KATNIP: variants seen among roughly 807,000 people sequenced by gnomAD.
KATNIP encodes the protein katanin-interacting protein.
Under a neutral mutation model 174.0 loss-of-function variants are expected in KATNIP, and 126 were observed. The observed-to-expected ratio is 0.72, with a 90% CI of 0.63 to 0.84. The LOEUF (loss-of-function observed/expected upper bound fraction) is 0.84. Among genes scored for constraint, KATNIP ranks in the 40% least tolerant of loss-of-function variants. The pLI is 0.00. For synonymous variants in KATNIP, 810 were observed against 835.7 expected, an observed-to-expected ratio of 0.97 and a Z score of 0.53; for missense variants, 1,958 against 2,109.7, an observed-to-expected ratio of 0.93 and a Z score of 1.41.
chr16:27,694,755 C>T (rs1026290755), intron 8 of KATNIP, among the ~76,000 whole-genome samples: 2 of 151,992 alleles, frequency 1.3e-5, no homozygotes, highest in Non-Finnish European at 2.9e-5. Flanking sequence ...GAGATTGTGC[C>T]ACTGCACTCC....
chr16:27,667,940 G>A (rs2077743523), intron 6 of KATNIP, among the ~76,000 whole-genome samples: 1 of 152,168 alleles, frequency 6.6e-6, no homozygotes, highest in African/African-American at 2.4e-5. Flanking sequence ...GGTAAACTGA[G>A]TGAGGCCCAG....
chr16:27,581,160 G>C (rs2090684757), intron 2 of KATNIP, among the ~76,000 whole-genome samples: 1 of 152,106 alleles, frequency 6.6e-6, no homozygotes, highest in Admixed American at 6.6e-5. Flanking sequence ...TTCAGGTCAG[G>C]TTTTGGTCCT....
intron 13 of KATNIP, among the ~76,000 whole-genome samples, chr16:27,712,544 G>A (rs541906751): frequency 4.6e-5 from 7 of 152,314 alleles, no homozygotes; most frequent in East Asian, 3.9e-4. Context: ...ACCTAGAAGC[G>A]GAGGCTGGGT....
At chr16:27,761,658 A>G (rs2081960217) in intron 19 of KATNIP, 68 bp downstream of exon 19, 1 of 1,363,562 alleles carries the variant, frequency 7.3e-7, no homozygotes, top group Non-Finnish European at 1.0e-6. Context: ...TGCCTCTGAG[A>G]CTTCAGATTC....
intron 13 of KATNIP, among the ~76,000 whole-genome samples, chr16:27,719,569 C>T (rs984499887): frequency 5.9e-5 from 9 of 151,808 alleles, no homozygotes; most frequent in East Asian, 1.9e-4. Context: ...TTAGTAGAGA[C>T]GGGGTTTCAC....
intron 20 of KATNIP, among the ~76,000 whole-genome samples, chr16:27,767,366 A>C (rs1453277253): frequency 6.6e-6 from 1 of 152,166 alleles, no homozygotes; most frequent in Non-Finnish European, 1.5e-5. Context: ...GCCTCAGGTG[A>C]TCCCCAGATC....
intron 2 of KATNIP, among the ~76,000 whole-genome samples, chr16:27,605,894 C>T (rs1349123592): frequency 6.6e-6 from 1 of 152,084 alleles, no homozygotes; most frequent in Non-Finnish European, 1.5e-5. Context: ...CTTTGGGAGG[C>T]CAAGGAGGGT....
chr16:27,614,005 C>T (rs2075971647), intron 2 of KATNIP, among the ~76,000 whole-genome samples: 1 of 152,266 alleles, frequency 6.6e-6, no homozygotes, highest in Middle Eastern at 3.4e-3. Context: ...TAACCTTGAA[C>T]TCCTGGACTC....
chr16:27,564,280 AC>A, intron 1 of KATNIP, among the ~76,000 whole-genome samples: 1 of 152,286 alleles, frequency 6.6e-6, no homozygotes. Context: ...TAGTGCCTTA[AC>A]CCTGACAATA....
At chr16:27,720,628 AAG>A (rs1002106228) in intron 13 of KATNIP, among the ~76,000 whole-genome samples, 2 of 151,860 alleles carry the variant, frequency 1.3e-5, no homozygotes, top group Non-Finnish European at 1.5e-5. Flanking sequence ...TGGACGTGAA[AAG>A]AGATGATCGT....
At chr16:27,551,976 G>A (rs1443025101) in intron 1 of KATNIP, among the ~76,000 whole-genome samples, 1 of 152,026 alleles carries the variant, frequency 6.6e-6, no homozygotes, top group Non-Finnish European at 1.5e-5. Flanking sequence ...GCTGAAGTGG[G>A]TGGATTGCTT....
At chr16:27,770,342 T>G (rs2144178500) in intron 21 of KATNIP, among the ~76,000 whole-genome samples, 1 of 152,352 alleles carries the variant, frequency 6.6e-6, no homozygotes, top group South Asian at 2.1e-4. Context: ...AGGGCCTTCC[T>G]TCTCCCGTTT....
Position 27,775,015 on chromosome 16 carries a change from G to A in KATNIP, c.4380G>A (p.Lys1460=), listed in dbSNP as rs746243030. The A allele has an allele frequency of 6.8e-6, 11 of 1,613,606 alleles. No individual in the cohort carries two copies. Among genetic ancestry groups the A allele is most frequent in the African/African-American group, 2.7e-5 (2 of 74,938 alleles). The change falls in exon 24 of 28, where the codon AAG becomes AAA. Residue 1460 remains lysine, a synonymous_variant. Transcript: ENST00000261588. ...GCGGGGACGTCCGCACCCCAGACAA[G>A]CTCATCGACCAAGTGAACGACACCA... is the stretch of plus-strand genomic sequence containing the variant. ...GVGGDVRTPD[K]LIDQVNDTSD...
At chr16:27,647,136 G>C (rs1243140674) in intron 5 of KATNIP, among the ~76,000 whole-genome samples, 1 of 152,152 alleles carries the variant, frequency 6.6e-6, no homozygotes, top group African/African-American at 2.4e-5. Flanking sequence ...GGACATTGGA[G>C]GGGAGTCTGT....
At chr16:27,676,412 A>T (rs1017052792) in intron 6 of KATNIP, among the ~76,000 whole-genome samples, 4 of 152,206 alleles carry the variant, frequency 2.6e-5, no homozygotes, top group Admixed American at 2.0e-4. Context: ...CTAAGATGGT[A>T]AAAGTGTTCT....
At chr16:27,692,978 G>T (rs1338045084) in intron 8 of KATNIP, among the ~76,000 whole-genome samples, 4 of 152,136 alleles carry the variant, frequency 2.6e-5, no homozygotes, top group African/African-American at 4.8e-5. Flanking sequence ...TTTGGCTTCA[G>T]CTCCAGTATA....
Position 27,628,825 on chromosome 16 carries a change from C to T in KATNIP, c.305C>T (p.Thr102Ile). 6.2e-7 allele frequency: 1 copy of T among 1,614,016 alleles called. No individual in the cohort carries two copies. The change falls in exon 4 of 28, where the codon ACA (threonine) becomes ATA (isoleucine). Residue 102 changes from threonine to isoleucine, a missense_variant. This residue lies in a region of KATNIP where 1,557 missense variants were observed against 1,617.8 expected (regional missense o/e 0.96). Transcript: ENST00000261588. The stretch of plus-strand genomic sequence containing the variant: ...AGAAGTGCCTCCCACACGGAGGGGA[C>T]ACACGGTGAGCACAGGCCCTCCAGG... ...FSRSASHTEG[T>I]HDYGRRTLFR... is the part of the protein sequence containing the mutation.
rs755489812 is a variant in KATNIP at position 27,769,902 on chromosome 16, C to G, written c.4017C>G (p.Ser1339=). Residue 1339 remains serine (S), a synonymous_variant, in exon 21 of 28, where the codon TCC becomes TCG. Coordinates refer to ENST00000261588, the MANE Select transcript of KATNIP (RefSeq NM_015202.5). ...TCTCCCTGGATGGCCTGTGCGTCTC[C>G]CCGCCAGAGGGCTTTCTCATCCGGA... ...VHVSLDGLCV[S]PPEGFLIRKG... 2 of 1,614,238 alleles carry G rather than the reference C, an allele frequency of 1.2e-6. No homozygotes were observed. The highest frequency in any genetic ancestry group is 4.5e-5 in the East Asian group (2 of 44,886).
chr16:27,763,676 C>T (rs986079321), intron 19 of KATNIP, among the ~76,000 whole-genome samples: 1 of 151,348 alleles, frequency 6.6e-6, no homozygotes, highest in African/African-American at 2.4e-5. Flanking sequence ...TCTTAAATTA[C>T]CAGATATCTA....
Sources: gnomAD v4.1 joint callset for allele counts (sites outside exome capture counted in the v4.1 genomes callset) on GRCh38, gnomAD v4.1.1 for gene constraint, gnomAD v4.1.1 regional missense constraint, MANE v1.5 for transcripts, NCBI Gene and HGNC (gene_info 2026-07-23, HGNC 2026-07-21) for gene names.